CEP128: variants seen among roughly 807,000 people sequenced by gnomAD.
CEP128 encodes the protein centrosomal protein 128.
Under a neutral mutation model 156.7 loss-of-function variants are expected in CEP128, and 132 were observed. The observed-to-expected ratio is 0.84, with a 90% CI of 0.73 to 0.97. The LOEUF is 0.97. CEP128 is among the 50% of genes least tolerant of loss of function. The probability of loss-of-function intolerance (pLI) is 0.00; values close to 1 mark genes in which losing one functional copy is unlikely to be tolerated. For synonymous variants in CEP128, 469 were observed against 448.9 expected, an observed-to-expected ratio of 1.04 and a Z score of -0.57; for missense variants, 1,252 against 1,281.9, an observed-to-expected ratio of 0.98 and a Z score of 0.36.
chr14:80,948,856 T>C (rs1886399924), intron 2 of CEP128, among the ~76,000 whole-genome samples: 1 of 152,226 alleles, frequency 6.6e-6, no homozygotes, highest in South Asian at 2.1e-4. Flanking sequence ...TTAATTGTCA[T>C]AGCAATTTGT....
chr14:80,576,569 C>T (rs1049929963), intron 20 of CEP128, among the ~76,000 whole-genome samples: 8 of 152,212 alleles, frequency 5.3e-5, no homozygotes, highest in Non-Finnish European at 1.0e-4. Flanking sequence ...GCTCCACCCC[C>T]CCTGCCGTTT....
intron 20 of CEP128, among the ~76,000 whole-genome samples, chr14:80,565,883 G>C (rs1404846870): frequency 6.6e-6 from 1 of 152,144 alleles, no homozygotes; most frequent in Non-Finnish European, 1.5e-5. Context: ...GAAAAGTCTA[G>C]TGACTTTATT....
chr14:80,795,730 C>T (rs1475181660), intron 13 of CEP128, among the ~76,000 whole-genome samples: 2 of 152,134 alleles, frequency 1.3e-5, no homozygotes, highest in Admixed American at 1.3e-4. Flanking sequence ...TTAGTATGTA[C>T]TATAACTCCT....
At chr14:80,748,890 C>T (rs759161161) in intron 18 of CEP128, among the ~76,000 whole-genome samples, 1 of 152,188 alleles carries the variant, frequency 6.6e-6, no homozygotes, top group Non-Finnish European at 1.5e-5. Context: ...CATTTCTACA[C>T]TCACCCTAGG....
chr14:80,729,125 GTGTT>G (rs1898160770), intron 19 of CEP128, among the ~76,000 whole-genome samples: 2 of 112,950 alleles, frequency 1.8e-5, no homozygotes, highest in African/African-American at 2.9e-5. Flanking sequence ...GTGTGTGTGT[GTGTT>G]TACCCAGTGT....
chr14:80,688,313 G>T (rs1566858049), intron 19 of CEP128, among the ~76,000 whole-genome samples: 1 of 152,044 alleles, frequency 6.6e-6, no homozygotes, highest in Non-Finnish European at 1.5e-5. Flanking sequence ...TTTGTAGTCT[G>T]GTCCAGAATC....
intron 21 of CEP128, among the ~76,000 whole-genome samples, chr14:80,535,182 C>T (rs149747960): frequency 0.011 from 1,673 of 152,238 alleles, 18 homozygotes; most frequent in Middle Eastern, 0.034. Flanking sequence ...CCTCACACCA[C>T]CATAAGAGAT....
At chr14:80,546,341 G>A (rs1215433953) in intron 21 of CEP128, among the ~76,000 whole-genome samples, 1 of 152,122 alleles carries the variant, frequency 6.6e-6, no homozygotes, top group East Asian at 1.9e-4. Flanking sequence ...ATGTGAAAAA[G>A]CCAGAATTCA....
At chr14:80,486,720 T>C (rs1887174434), downstream of CEP128, among the ~76,000 whole-genome samples, 1 of 152,168 alleles carries the variant, frequency 6.6e-6, no homozygotes. Context: ...ATATTCAACA[T>C]TCTTAAAGAA....
intron 19 of CEP128, among the ~76,000 whole-genome samples, chr14:80,657,992 C>T (rs10498546): frequency 0.33 from 50,127 of 151,872 alleles, 10,406 homozygotes; most frequent in African/African-American, 0.59. Context: ...TCTATTCTAC[C>T]TCGGTGACAG....
At chr14:80,906,197 G>A in intron 4 of CEP128, 116 bp from the exon 5 acceptor site, 25 of 712,612 alleles carry the variant, frequency 3.5e-5, no homozygotes, top group South Asian at 1.0e-4. Flanking sequence ...CCCAAAAAAA[G>A]GTATCAGAAA....
intron 21 of CEP128, among the ~76,000 whole-genome samples, chr14:80,556,849 A>T (rs990021079): frequency 6.6e-6 from 1 of 152,194 alleles, no homozygotes; most frequent in Admixed American, 6.5e-5. Flanking sequence ...ATCTTGAGAT[A>T]GCTTTCAGCA....
At chr14:80,703,033 G>A (rs1011818365) in intron 19 of CEP128, among the ~76,000 whole-genome samples, 1 of 151,984 alleles carries the variant, frequency 6.6e-6, no homozygotes, top group African/African-American at 2.4e-5. Flanking sequence ...TGGAGAGAAT[G>A]GAACTAATGA....
intron 8 of CEP128, among the ~76,000 whole-genome samples, chr14:80,884,321 C>G (rs750072319): frequency 1.7e-4 from 26 of 152,284 alleles, no homozygotes; most frequent in Admixed American, 3.3e-4. Context: ...ATTTTGCAAA[C>G]TATCAACCTG....
chr14:80,886,685 G>A (rs1466091418), intron 8 of CEP128, among the ~76,000 whole-genome samples: 1 of 152,164 alleles, frequency 6.6e-6, no homozygotes, highest in Non-Finnish European at 1.5e-5. Flanking sequence ...ATACCAAATT[G>A]TAAAGACCAT....
chr14:80,892,361 A>G (rs12878621), intron 8 of CEP128, among the ~76,000 whole-genome samples: 18,039 of 151,960 alleles, frequency 0.12, 1,542 homozygotes, highest in East Asian at 0.45. Context: ...TTTCACACAC[A>G]AAAGAATCTG....
At chr14:80,614,777 CTG>C (rs1276077634) in intron 19 of CEP128, among the ~76,000 whole-genome samples, 1 of 152,188 alleles carries the variant, frequency 6.6e-6, no homozygotes, top group Non-Finnish European at 1.5e-5. Flanking sequence ...TGACTTTTCT[CTG>C]TGCTTCTCCA....
At chr14:80,511,842 T>C (rs766430036) in intron 23 of CEP128, among the ~76,000 whole-genome samples, 2 of 152,120 alleles carry the variant, frequency 1.3e-5, no homozygotes, top group African/African-American at 4.8e-5. Context: ...GTTTCTTTAT[T>C]GATCCACTGG....
intron 13 of CEP128, among the ~76,000 whole-genome samples, chr14:80,829,319 A>G (rs147219747): frequency 9.0e-4 from 137 of 152,372 alleles, no homozygotes; most frequent in African/African-American, 3.0e-3. Flanking sequence ...GTCCTTTGCA[A>G]TGGCAACTGG....
Sources: gnomAD v4.1 joint callset for allele counts (sites outside exome capture counted in the v4.1 genomes callset) on GRCh38, gnomAD v4.1.1 for gene constraint, MANE v1.5 for transcripts, NCBI Gene and HGNC (gene_info 2026-07-23, HGNC 2026-07-21) for gene names.